HLCS: variants seen among roughly 807,000 people sequenced by gnomAD.
HLCS encodes holocarboxylase synthetase.
HLCS carries 53 observed loss-of-function variants against 75.0 expected under a neutral mutation model. The observed-to-expected ratio is 0.71, with a 90% CI of 0.57 to 0.89. The LOEUF (loss-of-function observed/expected upper bound fraction) is 0.89. HLCS is among the 40% of genes least tolerant of loss of function. The probability of loss-of-function intolerance (pLI) is 0.00; values close to 1 mark genes in which losing one functional copy is unlikely to be tolerated. For missense variants in HLCS, 966 were observed against 1,074.0 expected (o/e 0.90, Z 1.41); for synonymous variants, 431 against 428.6 (o/e 1.01, Z -0.07).
chr21:36,945,333 C>G (rs1435619798), intron 2 of HLCS, among the ~76,000 whole-genome samples: 2 of 151,804 alleles, frequency 1.3e-5, no homozygotes, highest in African/African-American at 4.8e-5. Context: ...AAAAATATGC[C>G]CACATATAAA....
chr21:36,767,302 A>G lies in HLCS; in HGVS notation c.1893-17T>C. The G allele has an allele frequency of 6.2e-7, 1 of 1,613,860 alleles. No individual in the cohort carries two copies. Among genetic ancestry groups the G allele is most frequent in the East Asian group, 2.2e-5 (1 of 44,862 alleles). On this transcript the variant is annotated splice_polypyrimidine_tract_variant and intron_variant, in intron 6 of 10. Transcript: ENST00000674895. ...AACATCAGCCTGCCGAAGAGGGGGA[A>G]AGACCGGTTAGGCCAGACATGGACA...
chr21:36,956,663 G>C (rs1477001120), intron 2 of HLCS, among the ~76,000 whole-genome samples: 1 of 152,110 alleles, frequency 6.6e-6, no homozygotes, highest in East Asian at 1.9e-4. Flanking sequence ...CCGGGAGGCA[G>C]GGTTGGCAGT....
intron 2 of HLCS, among the ~76,000 whole-genome samples, chr21:36,955,064 A>C (rs1194074051): frequency 6.6e-6 from 1 of 152,150 alleles, no homozygotes; most frequent in Non-Finnish European, 1.5e-5. Flanking sequence ...CTGTCTCAAA[A>C]AAAACCCAAC....
upstream of HLCS, among the ~76,000 whole-genome samples, chr21:36,970,889 G>A (rs2068768498): frequency 6.6e-6 from 1 of 151,790 alleles, no homozygotes; most frequent in Admixed American, 6.6e-5. Context: ...AGCTACTGAG[G>A]AGGCTGAGGC....
At chr21:36,930,929 T>C (rs1788769908) in intron 4 of HLCS, among the ~76,000 whole-genome samples, 2 of 152,228 alleles carry the variant, frequency 1.3e-5, no homozygotes, top group Non-Finnish European at 2.9e-5. Flanking sequence ...CTCCAGGTAC[T>C]GATGTTCCAC....
At chr21:36,771,206 C>A (rs985040920) in intron 6 of HLCS, among the ~76,000 whole-genome samples, 1 of 137,744 alleles carries the variant, frequency 7.3e-6, no homozygotes, top group Non-Finnish European at 1.5e-5. Context: ...GGCGACAGAG[C>A]GAGACTCCGT....
intron 2 of HLCS, among the ~76,000 whole-genome samples, chr21:36,955,633 G>A (rs917783398): frequency 1.2e-4 from 18 of 152,132 alleles, no homozygotes; most frequent in Non-Finnish European, 2.6e-4. Flanking sequence ...GTAAAAATAT[G>A]ATAGTAAGCT....
chr21:36,960,983 T>C (rs1407383979), intron 2 of HLCS, among the ~76,000 whole-genome samples: 1 of 151,960 alleles, frequency 6.6e-6, no homozygotes, highest in Non-Finnish European at 1.5e-5. Context: ...CAAAAGATAA[T>C]GAACATGAGG....
intron 1 of HLCS, among the ~76,000 whole-genome samples, chr21:36,988,363 A>G (rs1388485630): frequency 6.6e-6 from 1 of 152,190 alleles, no homozygotes; most frequent in Non-Finnish European, 1.5e-5. Flanking sequence ...TATACCCTAG[A>G]AATCACTCCA....
intron 5 of HLCS, among the ~76,000 whole-genome samples, chr21:36,913,784 G>C (rs2065818725): frequency 6.6e-6 from 1 of 152,128 alleles, no homozygotes; most frequent in African/African-American, 2.4e-5. Flanking sequence ...ACTTGAATGT[G>C]AACCTTGAAG....
intron 2 of HLCS, among the ~76,000 whole-genome samples, chr21:36,957,349 T>C (rs983985977): frequency 6.6e-6 from 1 of 152,196 alleles, no homozygotes; most frequent in African/African-American, 2.4e-5. Flanking sequence ...GCCATGACTG[T>C]TCCTCAAGGC....
intron 2 of HLCS, among the ~76,000 whole-genome samples, chr21:36,939,303 T>C (rs1007961153): frequency 6.6e-6 from 1 of 152,288 alleles, no homozygotes; most frequent in African/African-American, 2.4e-5. Context: ...AAAAACACCA[T>C]GCTGCCCTTT....
chr21:36,794,037 G>A (rs1197713134), intron 6 of HLCS, among the ~76,000 whole-genome samples: 1 of 152,224 alleles, frequency 6.6e-6, no homozygotes, highest in Non-Finnish European at 1.5e-5. Flanking sequence ...CTAAGGACGA[G>A]CTACGGGTGT....
chr21:36,934,954 C>T (rs905265294), intron 4 of HLCS, among the ~76,000 whole-genome samples: 8 of 152,122 alleles, frequency 5.3e-5, no homozygotes, highest in African/African-American at 1.9e-4. Context: ...CATCATATTG[C>T]CTTTTTTTTC....
intron 1 of HLCS, among the ~76,000 whole-genome samples, chr21:36,963,556 C>G (rs1456371170): frequency 1.3e-5 from 2 of 151,890 alleles, no homozygotes; most frequent in Non-Finnish European, 2.9e-5. Flanking sequence ...AATTGGAGAC[C>G]AGCCTGACCA....
chr21:36,939,081 T>C (rs1427478565), intron 2 of HLCS, 87 bp from the exon 3 acceptor site: 23 of 1,212,046 alleles, frequency 1.9e-5, no homozygotes, highest in Middle Eastern at 4.1e-4. Context: ...TATTTTTCCC[T>C]TGAGGCTCCT....
chr21:36,888,438 AAAAAAAAATATATATAT>A (rs2064574312), intron 6 of HLCS, among the ~76,000 whole-genome samples: 1 of 30,384 alleles, frequency 3.3e-5, no homozygotes, highest in Non-Finnish European at 6.4e-5. Context: ...CATTTAAAAA[AAAAAAAAATATATATAT>A]ATATATATAT....
intron 5 of HLCS, among the ~76,000 whole-genome samples, chr21:36,915,271 A>T (rs759794765): frequency 5.3e-5 from 8 of 152,260 alleles, no homozygotes; most frequent in Non-Finnish European, 7.3e-5. Context: ...CTCTCTGGTA[A>T]AACGGAGCTT....
At chr21:36,920,766 A>G (rs765516146) in intron 5 of HLCS, among the ~76,000 whole-genome samples, 3 of 152,240 alleles carry the variant, frequency 2.0e-5, no homozygotes, top group Non-Finnish European at 4.4e-5. Flanking sequence ...AAAAATACAC[A>G]GAGCAAAACC....
Sources: gnomAD v4.1 joint callset for allele counts (sites outside exome capture counted in the v4.1 genomes callset) on GRCh38, gnomAD v4.1.1 for gene constraint, MANE v1.5 for transcripts, NCBI Gene and HGNC (gene_info 2026-07-23, HGNC 2026-07-21) for gene names.